The following KAZN variants were observed in gnomAD, a reference collection of about 807,000 sequenced individuals.
The protein encoded by KAZN is kazrin, periplakin interacting protein.
Under a neutral mutation model 87.4 loss-of-function variants are expected in KAZN, and 40 were observed. The observed-to-expected ratio is 0.46, with a 90% CI of 0.36 to 0.60. KAZN has a LOEUF of 0.60. Among genes scored for constraint, KAZN ranks in the 20% least tolerant of loss-of-function variants. The pLI, the probability that KAZN is intolerant of heterozygous loss-of-function variation, is 0.00. For missense variants in KAZN, 898 were observed against 1,073.9 expected (o/e 0.84, Z 2.29); for synonymous variants, 466 against 458.3 (o/e 1.02, Z -0.22).
At chr1:14,338,172 T>C (rs1189051578) in intron 2 of KAZN, among the ~76,000 whole-genome samples, 1 of 152,058 alleles carries the variant, frequency 6.6e-6, no homozygotes, top group Non-Finnish European at 1.5e-5. Context: ...GACCCCCTTC[T>C]GGTTAAGAAC....
At chr1:14,764,665 T>A (rs1165777929) in intron 1 of KAZN, among the ~76,000 whole-genome samples, 1 of 151,886 alleles carries the variant, frequency 6.6e-6, no homozygotes, top group African/African-American at 2.4e-5. Context: ...GGGAGGGAAT[T>A]GAAGGAGTGC....
chr1:14,622,942 T>C (rs1366856597), intron 1 of KAZN, among the ~76,000 whole-genome samples: 3 of 151,764 alleles, frequency 2.0e-5, no homozygotes, highest in Non-Finnish European at 4.4e-5. Flanking sequence ...TTTTTTTGAA[T>C]TTAAAAGTCA....
At chr1:14,453,690 G>A (rs1475626953) in intron 2 of KAZN, among the ~76,000 whole-genome samples, 2 of 152,136 alleles carry the variant, frequency 1.3e-5, no homozygotes, top group Admixed American at 6.5e-5. Context: ...ACAAAAATTA[G>A]CCAGGTGTGG....
intron 4 of KAZN, among the ~76,000 whole-genome samples, chr1:15,050,463 A>T (rs139818674): frequency 1.3e-5 from 2 of 152,298 alleles, no homozygotes; most frequent in African/African-American, 4.8e-5. Flanking sequence ...TGTAAAAACG[A>T]CAGCCACCAC....
At chr1:14,845,447 A>C (rs193063528) in intron 1 of KAZN, among the ~76,000 whole-genome samples, 355 of 146,566 alleles carry the variant, frequency 2.4e-3, no homozygotes, top group Non-Finnish European at 4.1e-3. Flanking sequence ...ACGGATGAGT[A>C]AATAGGTGGA....
At chr1:14,716,556 C>G (rs1374996491) in intron 1 of KAZN, among the ~76,000 whole-genome samples, 1 of 152,174 alleles carries the variant, frequency 6.6e-6, no homozygotes, top group African/African-American at 2.4e-5. Flanking sequence ...GCCTTGTGCT[C>G]TAATCCATCC....
intron 2 of KAZN, among the ~76,000 whole-genome samples, chr1:14,226,058 A>G (rs1230227890): frequency 6.6e-6 from 1 of 152,078 alleles, no homozygotes; most frequent in Admixed American, 6.6e-5. Flanking sequence ...ACAAAAAAAC[A>G]AAACAACAAA....
intron 1 of KAZN, among the ~76,000 whole-genome samples, chr1:13,895,118 CTG>C (rs1429727681): frequency 6.6e-6 from 1 of 152,192 alleles, no homozygotes; most frequent in Non-Finnish European, 1.5e-5. Context: ...CAAGGCATCT[CTG>C]TTTGCAGGGA....
intron 14 of KAZN, 86 bp from the exon 15 acceptor site, chr1:15,114,385 T>C: frequency 9.2e-7 from 1 of 1,090,472 alleles, no homozygotes; most frequent in South Asian, 1.5e-5. Flanking sequence ...CACAGAGCAA[T>C]TAGAATTGGA....
At chr1:14,407,499 T>C (rs980559107) in intron 2 of KAZN, among the ~76,000 whole-genome samples, 10 of 151,962 alleles carry the variant, frequency 6.6e-5, no homozygotes, top group African/African-American at 2.4e-4. Context: ...GAAAAGAAGG[T>C]GGAGGCAAAG....
At chr1:14,617,366 C>G (rs1412171271) in intron 1 of KAZN, among the ~76,000 whole-genome samples, 1 of 152,148 alleles carries the variant, frequency 6.6e-6, no homozygotes, top group Non-Finnish European at 1.5e-5. Context: ...AGTCTACATA[C>G]CTTCATTTAA....
intron 2 of KAZN, among the ~76,000 whole-genome samples, chr1:14,435,481 C>T (rs1480094370): frequency 3.3e-5 from 5 of 152,172 alleles, no homozygotes; most frequent in African/African-American, 4.8e-5. Flanking sequence ...AGGCATGACC[C>T]GCGCCACCTG....
At chr1:14,449,354 T>A (rs1231835551) in intron 2 of KAZN, among the ~76,000 whole-genome samples, 1 of 152,182 alleles carries the variant, frequency 6.6e-6, no homozygotes, top group Non-Finnish European at 1.5e-5. Context: ...CACTTTGCTT[T>A]AGTTGTTTGC....
At chr1:14,869,521 G>A (rs1423761374) in intron 1 of KAZN, among the ~76,000 whole-genome samples, 2 of 152,170 alleles carry the variant, frequency 1.3e-5, no homozygotes, top group African/African-American at 4.8e-5. Context: ...ACCTATGCTA[G>A]CATTTTCAGT....
At chr1:14,929,678 G>T in intron 1 of KAZN, 1 of 741,068 alleles carries the variant, frequency 1.3e-6, no homozygotes, top group Non-Finnish European at 1.6e-6. Context: ...GTCACTAAGG[G>T]CTGTAAACAC....
intron 2 of KAZN, among the ~76,000 whole-genome samples, chr1:14,270,285 G>T (rs1651818372): frequency 6.6e-6 from 1 of 152,218 alleles, no homozygotes. Context: ...AACCATGTGT[G>T]AGAAAATGGA....
chr1:15,093,660 T>C (rs2050232), intron 8 of KAZN, among the ~76,000 whole-genome samples: 1,637 of 152,308 alleles, frequency 0.011, 21 homozygotes, highest in Non-Finnish European at 0.017. Flanking sequence ...TATGCATTTG[T>C]GCCAGGTGAG....
intron 2 of KAZN, among the ~76,000 whole-genome samples, chr1:14,456,701 A>T (rs985821908): frequency 6.6e-6 from 1 of 152,190 alleles, no homozygotes; most frequent in Non-Finnish European, 1.5e-5. Flanking sequence ...CAAAGCACCG[A>T]TGAGCATTCT....
chr1:14,138,082 A>AGTGTGTGTGTGT lies in KAZN; in HGVS notation c.92-42338_92-42327dup, dbSNP rs149980453. 2.8e-3 allele frequency among the ~76,000 whole-genome samples: 424 copies of AGTGTGTGTGTGT among 150,070 alleles called. 2 individuals carry two copies. The highest frequency in any genetic ancestry group is 7.4e-3 in the African/African-American group (304 of 40,886). ...AATGTTAGCATTAAATAAATGTTAC[A>AGTGTGTGTGTGT]GTGTGTGTGTGTGTGTGTGTGTGTG... On this transcript the variant is annotated intron_variant, in intron 1 of 16. Coordinates refer to the KAZN transcript ENST00000636203.
Sources: gnomAD v4.1 joint callset for allele counts (sites outside exome capture counted in the v4.1 genomes callset) on GRCh38, gnomAD v4.1.1 for gene constraint, MANE v1.5 for transcripts, NCBI Gene and HGNC (gene_info 2026-07-23, HGNC 2026-07-21) for gene names.